Variants in FMN1 observed in about 807,000 individuals in gnomAD.
FMN1 encodes the protein formin 1, also known as formin-1.
In FMN1, 110 loss-of-function variants were observed where a neutral mutation model predicts 132.4. The ratio of observed to expected loss-of-function variants is 0.83; its 90% CI spans 0.71 to 0.97. FMN1 has a LOEUF of 0.97. Among genes scored for constraint, FMN1 ranks in the 50% least tolerant of loss-of-function variants. The pLI, the probability that FMN1 is intolerant of heterozygous loss-of-function variation, is 0.00. For missense variants in FMN1, 1,792 were observed against 1,705.3 expected (o/e 1.05, Z -0.90); for synonymous variants, 722 against 651.7 (o/e 1.11, Z -1.64).
intron 3 of FMN1, among the ~76,000 whole-genome samples, chr15:33,161,715 G>A (rs1463316398): frequency 4.6e-5 from 7 of 152,006 alleles, no homozygotes; most frequent in Non-Finnish European, 8.8e-5. Context: ...TCAGGAGATC[G>A]AGACCACCCT....
chr15:33,066,911 G>C (rs2037757708), intron 5 of FMN1: 1 of 1,613,826 alleles, frequency 6.2e-7, no homozygotes, highest in South Asian at 1.1e-5. Context: ...ACTCTTCACT[G>C]TCTGCAGCCC....
rs544246827 is a variant in FMN1, at chr15:33,016,938, C to T, written c.2162-8863G>A. Among the ~76,000 whole-genome samples the T allele has an allele frequency of 1.1e-3, 169 of 152,264 alleles. 2 individuals are homozygous for T. Among genetic ancestry groups the T allele is most frequent in the African/African-American group, 3.9e-3 (161 of 41,556 alleles). On this transcript the variant is annotated intron_variant, in intron 6 of 20. Coordinates refer to ENST00000616417, the MANE Select transcript of FMN1 (RefSeq NM_001277313.2). ...CTTTCTCTTGCAAGTCATTTTTGGA[C>T]CAGCTTGAGAGGCCTGTCTCGCTTT...
At chr15:32,824,950 G>A (rs1201334232) in intron 17 of FMN1, among the ~76,000 whole-genome samples, 1 of 152,150 alleles carries the variant, frequency 6.6e-6, no homozygotes, top group Non-Finnish European at 1.5e-5. Flanking sequence ...ACACAAATTT[G>A]TTCCTTTCCT....
intron 5 of FMN1, chr15:33,068,243 T>C (rs2037839395): frequency 4.9e-6 from 1 of 203,610 alleles, no homozygotes; most frequent in Admixed American, 5.3e-5. Flanking sequence ...TGCCCTGTAA[T>C]CCCAACCCAG....
intron 6 of FMN1, chr15:33,012,253 G>A (rs530643882): frequency 9.9e-6 from 7 of 703,728 alleles, no homozygotes; most frequent in South Asian, 8.4e-5. Context: ...GAACTGTGTG[G>A]TAATGAGATC....
intron 19 of FMN1, among the ~76,000 whole-genome samples, chr15:32,785,218 A>ATTTTT (rs1230723314): frequency 0.015 from 579 of 39,182 alleles, 67 homozygotes; most frequent in African/African-American, 0.019. Context: ...ATATATATAT[A>ATTTTT]TTTTTTTTTT....
intron 16 of FMN1, among the ~76,000 whole-genome samples, chr15:32,863,292 C>G (rs940287756): frequency 6.6e-6 from 1 of 152,156 alleles, no homozygotes; most frequent in Non-Finnish European, 1.5e-5. Context: ...AAAAAATTAG[C>G]TGGGCGTGGT....
intron 6 of FMN1, among the ~76,000 whole-genome samples, chr15:33,008,687 C>T (rs900176363): frequency 1.3e-5 from 2 of 152,074 alleles, no homozygotes; most frequent in Non-Finnish European, 2.9e-5. Flanking sequence ...ATGTTTATTT[C>T]AACAATAAGT....
chr15:32,902,928 T>G (rs1224071331), intron 12 of FMN1, among the ~76,000 whole-genome samples: 2 of 152,244 alleles, frequency 1.3e-5, no homozygotes, highest in African/African-American at 4.8e-5. Flanking sequence ...AGATGATGAT[T>G]AACTGATATT....
intron 3 of FMN1, among the ~76,000 whole-genome samples, chr15:33,170,727 A>G (rs763068074): frequency 1.3e-5 from 2 of 152,208 alleles, no homozygotes; most frequent in Non-Finnish European, 2.9e-5. Context: ...CTAATAGCAG[A>G]CAAAAAAATA....
At chr15:32,836,377 C>G (rs2058627924) in intron 17 of FMN1, among the ~76,000 whole-genome samples, 1 of 152,098 alleles carries the variant, frequency 6.6e-6, no homozygotes, top group Non-Finnish European at 1.5e-5. Flanking sequence ...TCATAATTTA[C>G]TTTTATTTAG....
chr15:33,139,996 A>G (rs973901122), intron 4 of FMN1, among the ~76,000 whole-genome samples: 1 of 152,162 alleles, frequency 6.6e-6, no homozygotes, highest in Non-Finnish European at 1.5e-5. Flanking sequence ...AAATTTCCTG[A>G]GGGAGAGATA....
intron 6 of FMN1, chr15:33,012,738 T>C (rs1287658618): frequency 1.3e-5 from 10 of 746,274 alleles, no homozygotes; most frequent in Admixed American, 8.6e-5. Flanking sequence ...GCCATGGAGG[T>C]GGTTTTGGTG....
intron 17 of FMN1, among the ~76,000 whole-genome samples, chr15:32,805,501 T>C (rs1201014066): frequency 6.6e-6 from 1 of 152,222 alleles, no homozygotes; most frequent in Non-Finnish European, 1.5e-5. Flanking sequence ...AGCTCTTTAG[T>C]TTAATTAGAT....
At chr15:32,993,530 A>G (rs1231145230) in intron 7 of FMN1, among the ~76,000 whole-genome samples, 2 of 151,448 alleles carry the variant, frequency 1.3e-5, no homozygotes, top group Non-Finnish European at 2.9e-5. Flanking sequence ...TCAAATTAAG[A>G]TAAGAGAAGT....
At chr15:33,063,324 G>C (rs2037569147) in intron 6 of FMN1, 1 of 152,366 alleles carries the variant, frequency 6.6e-6, no homozygotes, top group African/African-American at 2.4e-5. Flanking sequence ...TGTCACTATG[G>C]ACCGGCGGCA....
chr15:32,883,665 A>C (rs967723632), intron 16 of FMN1, among the ~76,000 whole-genome samples: 1 of 152,048 alleles, frequency 6.6e-6, no homozygotes, highest in Non-Finnish European at 1.5e-5. Flanking sequence ...CATTTCACCA[A>C]CAACCGTGTT....
intron 8 of FMN1, among the ~76,000 whole-genome samples, chr15:32,966,872 T>C (rs1273692177): frequency 6.6e-6 from 1 of 152,244 alleles, no homozygotes; most frequent in African/African-American, 2.4e-5. Flanking sequence ...AAGCAAATAC[T>C]CCACAGGCTC....
At position 33,007,675 on chromosome 15, in the gene FMN1, A is replaced by G. The variant is rs74012454; in HGVS notation, c.2223+339T>C. On this transcript the variant is annotated intron_variant, in intron 7 of 20. Coordinates refer to ENST00000616417, the MANE Select transcript of FMN1 (RefSeq NM_001277313.2). ...ACACCCGAACAAGAGGAAGCTGAAC[A>G]AAAATAACTTCCATCGTACCTAGAA... Among the ~76,000 whole-genome samples, 1,380 of 152,298 alleles carry G rather than the reference A, an allele frequency of 9.1e-3. 26 individuals carry two copies. Among genetic ancestry groups the G allele is most frequent in the African/African-American group, 0.032 (1,322 of 41,564 alleles).
Sources: gnomAD v4.1 joint callset for allele counts (sites outside exome capture counted in the v4.1 genomes callset) on GRCh38, gnomAD v4.1.1 for gene constraint, MANE v1.5 for transcripts, NCBI Gene and HGNC (gene_info 2026-07-23, HGNC 2026-07-21) for gene names.